CD6: variants seen among roughly 807,000 people sequenced by gnomAD.
CD6 encodes the protein T-cell differentiation antigen CD6.
Under a neutral mutation model 75.3 loss-of-function variants are expected in CD6, and 53 were observed. The ratio of observed to expected loss-of-function variants is 0.70; its 90% confidence interval spans 0.56 to 0.88. The LOEUF (loss-of-function observed/expected upper bound fraction) is 0.88. Ranked by LOEUF, CD6 falls within the 40% of genes least tolerant of loss-of-function variation. The pLI, the probability that CD6 is intolerant of heterozygous loss-of-function variation, is 0.00. For synonymous variants in CD6, 359 were observed against 381.5 expected (o/e 0.94, Z 0.69); for missense variants, 770 against 897.1 (o/e 0.86, Z 1.81).
At chr11:61,001,611 A>G (rs1486898028) in intron 1 of CD6, among the ~76,000 whole-genome samples, 1 of 152,126 alleles carries the variant, frequency 6.6e-6, no homozygotes, top group Non-Finnish European at 1.5e-5. Flanking sequence ...AGGTTTTAAT[A>G]TCTTCTTATT....
chr11:60,998,031 A>G (rs1858389933), intron 1 of CD6, among the ~76,000 whole-genome samples: 2 of 152,198 alleles, frequency 1.3e-5, no homozygotes, highest in South Asian at 4.1e-4. Context: ...CACTTCCGTG[A>G]TGATAAATGG....
chr11:61,006,660 C>T lies in CD6; in HGVS notation c.118+18C>T, dbSNP rs546567498. 3 of 1,594,614 alleles carry T rather than the reference C, an allele frequency of 1.9e-6. No homozygotes were observed. The South Asian group carries it at 3.4e-5, about 18-fold the overall frequency. On this transcript the variant is annotated intron_variant, in intron 2 of 12. Transcript: ENST00000313421. ...GGAGCCAGGTGAGCAAACATTCCCT[C>T]TGGGGGTCCATGATCAGCTTTCTGT...
intron 1 of CD6, among the ~76,000 whole-genome samples, chr11:60,999,946 A>G (rs1228838579): frequency 6.6e-6 from 1 of 152,054 alleles, no homozygotes; most frequent in Non-Finnish European, 1.5e-5. Flanking sequence ...CCAGCTACTC[A>G]GTAGCTGCGG....
At chr11:60,996,602 C>T (rs189643883) in intron 1 of CD6, among the ~76,000 whole-genome samples, 135 of 152,300 alleles carry the variant, frequency 8.9e-4, no homozygotes, top group Non-Finnish European at 1.5e-3. Flanking sequence ...GACAAAAGGC[C>T]AGTCTTCATA....
chr11:60,974,939 C>T (rs1857312320), intron 1 of CD6, among the ~76,000 whole-genome samples: 1 of 152,170 alleles, frequency 6.6e-6, no homozygotes, highest in African/African-American at 2.4e-5. Context: ...AGGCCTTTCC[C>T]GCCAGGGCAG....
Position 61,020,268 on chromosome 11 carries a change from G to A in CD6, c.*950G>A, listed in dbSNP as rs140758079. 457 of 398,968 alleles carry A rather than the reference G, an allele frequency of 1.1e-3. 6 individuals are homozygous for A. The highest frequency in any genetic ancestry group is 8.7e-3 in the African/African-American group (426 of 48,724). 24.7% of individuals were successfully genotyped at this position (398,968 alleles called of 1,614,324 possible). The stretch of plus-strand genomic sequence containing the variant: ...TGCGTGACTATGTGGTGTTGCACCC[G>A]GGGCTGCAAACGTCTCCGTGCAGCC... On this transcript the variant is annotated 3_prime_UTR_variant, in exon 13 of 13. Transcript: ENST00000313421.
intron 10 of CD6, 33 bp downstream of exon 10, chr11:61,017,583 G>A: frequency 6.4e-7 from 1 of 1,551,422 alleles, no homozygotes; most frequent in Non-Finnish European, 8.8e-7. Flanking sequence ...GTGAATGGCA[G>A]TCCCACCTCC....
At chr11:61,016,537 C>T (rs1590729229) in intron 9 of CD6, among the ~76,000 whole-genome samples, 1 of 152,372 alleles carries the variant, frequency 6.6e-6, no homozygotes, top group Middle Eastern at 3.4e-3. Flanking sequence ...GCCCAGGCCC[C>T]TTCTTTCTTG....
At chr11:61,001,359 C>A (rs754937179) in intron 1 of CD6, among the ~76,000 whole-genome samples, 1 of 151,974 alleles carries the variant, frequency 6.6e-6, no homozygotes, top group East Asian at 1.9e-4. Context: ...CCTGCCACCA[C>A]GCCTGGCTAA....
At chr11:61,018,462 C>T in intron 12 of CD6, 69 bp downstream of exon 12, 1 of 965,962 alleles carries the variant, frequency 1.0e-6, no homozygotes. Context: ...GAGTGGGGAA[C>T]TATTGGATGC....
Position 61,007,512 on chromosome 11 carries a change from C to A in CD6, c.119-48C>A. On this transcript the variant is annotated intron_variant, in intron 2 of 12. Transcript: ENST00000313421. The surrounding 1 kb of genome is among the most constrained non-coding windows in gnomAD (Gnocchi z 4.2). ...AGTCAGTGGCAGAGCCTGGGCAACC[C>A]TCTGCCCAGGCCCCACCGGTCTCAG... 7.5e-7 allele frequency: 1 copy of A among 1,329,536 alleles called. No homozygotes were observed. Among genetic ancestry groups the A allele is most frequent in the Non-Finnish European group, 9.8e-7 (1 of 1,017,818 alleles). The allele number at this position is 1,329,536 out of a possible 1,614,324, so 82.4% of individuals were successfully genotyped here.
intron 8 of CD6, 94 bp downstream of exon 8, chr11:61,014,108 C>A: frequency 1.2e-6 from 1 of 869,314 alleles, no homozygotes; most frequent in Non-Finnish European, 1.8e-6. Context: ...CCAAGACGTA[C>A]ACACAGCTGG....
chr11:61,009,454 G>C, intron 4 of CD6, 118 bp from the exon 5 acceptor site: 1 of 905,046 alleles, frequency 1.1e-6, no homozygotes, highest in Non-Finnish European at 1.6e-6. Flanking sequence ...GGAGGGAGAA[G>C]ACACAAGATC....
chr11:61,014,023 T>C lies in CD6; in HGVS notation c.1387+9T>C, dbSNP rs750692888. On this transcript the variant is annotated intron_variant, in intron 8 of 12. Transcript: ENST00000313421. ...CACCATCCCCAAAGAAGGTAGGATG[T>C]CCCCCATCCTGGGTGTGGGAGGGCT... 1 of 1,599,784 alleles carries C rather than the reference T, an allele frequency of 6.3e-7. No individual in the cohort carries two copies. The highest frequency in any genetic ancestry group is 8.6e-7 in the Non-Finnish European group (1 of 1,169,468).
At chr11:60,984,743 G>C (rs910605494) in intron 1 of CD6, among the ~76,000 whole-genome samples, 2 of 152,356 alleles carry the variant, frequency 1.3e-5, no homozygotes, top group South Asian at 4.1e-4. Flanking sequence ...CCTCGGAGGG[G>C]ATATAGACCT....
intron 5 of CD6, among the ~76,000 whole-genome samples, 161 bp from the exon 6 acceptor site, chr11:61,010,909 G>A (rs779898839): frequency 2.6e-4 from 39 of 151,540 alleles, no homozygotes; most frequent in Non-Finnish European, 5.0e-4. Flanking sequence ...GGGGGGTGGG[G>A]TAGGGGAGGG....
In CD6 at chr11:61,017,739, T is replaced by C. The variant is rs370243481; in HGVS notation, c.1583-20T>C. Reference sequence around the variant, plus strand: ...TGCTGCACTGCTTCTTTCGTCACCATTCTCCCTTTCCTGCCTTAGGACTTG... The same window carrying C: ...TGCTGCACTGCTTCTTTCGTCACCACTCTCCCTTTCCTGCCTTAGGACTTG... On this transcript the variant is annotated intron_variant, in intron 10 of 12. Coordinates refer to ENST00000313421, the MANE Select transcript of CD6 (RefSeq NM_006725.5). The C allele has an allele frequency of 1.9e-6, 3 of 1,613,634 alleles. No homozygotes were observed. The highest frequency in any genetic ancestry group is 2.5e-6 in the Non-Finnish European group (3 of 1,179,782).
rs544196404 is a variant in CD6 at position 60,980,317 on chromosome 11, A to G, written c.49+8403A>G. 1.4e-3 allele frequency among the ~76,000 whole-genome samples: 193 copies of G among 133,968 alleles called. 1 individual carries two copies. The highest frequency in any genetic ancestry group is 4.5e-3 in the African/African-American group (177 of 39,684). 87.9% of individuals were successfully genotyped at this position (133,968 alleles called of 152,430 possible). A position where few individuals can be genotyped will look rare whatever the true frequency, so the allele number is the denominator to read the frequency against. On this transcript the variant is annotated intron_variant, in intron 1 of 12. Transcript: ENST00000313421. ...CAAGAGTTCCAGAGCAGCATAGGCA[A>G]CATAGTGTGACCCCCACGTTTACAA...
intron 1 of CD6, among the ~76,000 whole-genome samples, chr11:60,986,616 G>A (rs1857826596): frequency 6.6e-6 from 1 of 152,206 alleles, no homozygotes; most frequent in African/African-American, 2.4e-5. Flanking sequence ...AGAAACACTT[G>A]TGGGTTTGTA....
Sources: gnomAD v4.1 joint callset for allele counts (sites outside exome capture counted in the v4.1 genomes callset) on GRCh38, gnomAD v4.1.1 for gene constraint, Gnocchi (gnomAD v3.1) non-coding constraint, MANE v1.5 for transcripts, NCBI Gene and HGNC (gene_info 2026-07-23, HGNC 2026-07-21) for gene names.